MYO5A: variants seen among roughly 807,000 people sequenced by gnomAD.
MYO5A encodes myosin VA, also known as unconventional myosin-Va.
A neutral mutation model predicts 249.7 loss-of-function variants in MYO5A; 98 were observed. The ratio of observed to expected loss-of-function variants is 0.39; its 90% CI spans 0.33 to 0.46. MYO5A has a LOEUF of 0.46. Ranked by LOEUF, MYO5A falls within the 20% of genes least tolerant of loss-of-function variation. The pLI, the probability that MYO5A is intolerant of heterozygous loss-of-function variation, is 0.98. For synonymous variants in MYO5A, 778 were observed against 810.6 expected (o/e 0.96, Z 0.68); for missense variants, 1,696 against 2,308.8 (o/e 0.73, Z 5.44).
intron 1 of MYO5A, among the ~76,000 whole-genome samples, chr15:52,490,913 G>T (rs530688215): frequency 1.3e-5 from 2 of 152,044 alleles, no homozygotes; most frequent in South Asian, 4.2e-4. Context: ...TATAGACGGG[G>T]TCTCACTATG....
chr15:52,424,503 A>C lies in MYO5A; in HGVS notation c.455+1327T>G, dbSNP rs1042331620. On this transcript the variant is annotated intron_variant, in intron 4 of 41. Transcript: ENST00000399233. ...AATTAAATAATGCCCTTCACAGAGCACATAATGTTAGCTGCTATTAGAAGT... is the reference window on the plus strand; with the variant it reads ...AATTAAATAATGCCCTTCACAGAGCCCATAATGTTAGCTGCTATTAGAAGT... Among the ~76,000 whole-genome samples, 4 of 152,322 alleles carry C rather than the reference A, an allele frequency of 2.6e-5. No homozygotes were observed. The South Asian group carries it at 8.3e-4, about 32-fold the overall frequency.
At chr15:52,385,092 T>G (rs1012271141) in intron 14 of MYO5A, among the ~76,000 whole-genome samples, 4 of 152,144 alleles carry the variant, frequency 2.6e-5, no homozygotes, top group African/African-American at 9.7e-5. Flanking sequence ...TATTAGTCAA[T>G]ATGGTTGGGA....
At chr15:52,440,329 A>G (rs2075760815) in intron 1 of MYO5A, among the ~76,000 whole-genome samples, 1 of 150,998 alleles carries the variant, frequency 6.6e-6, no homozygotes, top group African/African-American at 2.4e-5. Flanking sequence ...GTGCAGTGGC[A>G]CAATCTCTGC....
intron 4 of MYO5A, among the ~76,000 whole-genome samples, chr15:52,421,546 G>A (rs886257357): frequency 5.3e-5 from 8 of 152,152 alleles, no homozygotes; most frequent in Non-Finnish European, 8.8e-5. Context: ...ACACCAAGAG[G>A]TTAAAAGGCT....
intron 1 of MYO5A, among the ~76,000 whole-genome samples, chr15:52,459,345 G>A (rs549942084): frequency 6.6e-6 from 1 of 151,876 alleles, no homozygotes; most frequent in South Asian, 2.1e-4. Flanking sequence ...TCCCTGGGTA[G>A]TTGAGATTAG....
chr15:52,341,194 T>C (rs1468855187), intron 31 of MYO5A, among the ~76,000 whole-genome samples: 1 of 152,152 alleles, frequency 6.6e-6, no homozygotes, highest in East Asian at 1.9e-4. Flanking sequence ...TATATTCTAC[T>C]CCTATTCTGA....
chr15:52,365,990 C>T (rs1200413186), intron 23 of MYO5A, among the ~76,000 whole-genome samples: 1 of 152,066 alleles, frequency 6.6e-6, no homozygotes, highest in Non-Finnish European at 1.5e-5. Flanking sequence ...TTTTCTTTAC[C>T]TCATCCCTTA....
At chr15:52,522,185 A>G (rs1368258518) in intron 1 of MYO5A, among the ~76,000 whole-genome samples, 2 of 152,180 alleles carry the variant, frequency 1.3e-5, no homozygotes, top group African/African-American at 4.8e-5. Context: ...AAACTCCCTG[A>G]AGATGTTGGG....
At chr15:52,329,654 G>C (rs946117309) in intron 35 of MYO5A, among the ~76,000 whole-genome samples, 32 of 152,224 alleles carry the variant, frequency 2.1e-4, no homozygotes, top group African/African-American at 7.7e-4. Flanking sequence ...CCTTTCTAGG[G>C]GAGTAAGGAA....
intron 1 of MYO5A, among the ~76,000 whole-genome samples, chr15:52,464,779 T>C (rs1246397782): frequency 1.3e-5 from 2 of 152,248 alleles, no homozygotes; most frequent in Admixed American, 6.5e-5. Context: ...GAGTAATGAA[T>C]GACCAGATGT....
chr15:52,444,749 T>C (rs2075853600), intron 1 of MYO5A, among the ~76,000 whole-genome samples: 1 of 152,198 alleles, frequency 6.6e-6, no homozygotes, highest in African/African-American at 2.4e-5. Flanking sequence ...ATTAAATATG[T>C]ACAGGCCTCT....
At chr15:52,365,663 A>T (rs1567055900) in intron 23 of MYO5A, among the ~76,000 whole-genome samples, 1 of 152,224 alleles carries the variant, frequency 6.6e-6, no homozygotes, top group South Asian at 2.1e-4. Flanking sequence ...CCTGGTGCCC[A>T]CCACAGTGCT....
At chr15:52,385,418 A>G (rs1027038137) in intron 14 of MYO5A, among the ~76,000 whole-genome samples, 1 of 152,192 alleles carries the variant, frequency 6.6e-6, no homozygotes, top group Non-Finnish European at 1.5e-5. Flanking sequence ...ACTCATTTTA[A>G]TGGTATTTGG....
intron 25 of MYO5A, among the ~76,000 whole-genome samples, chr15:52,359,185 GGAAA>G (rs2040398519): frequency 6.6e-6 from 1 of 152,206 alleles, no homozygotes; most frequent in African/African-American, 2.4e-5. Flanking sequence ...AGACAAGAAA[GGAAA>G]GAATCACTCA....
Position 52,383,152 on chromosome 15 carries a change from T to C in MYO5A, c.1951A>G (p.Asn651Asp). 1 of 1,614,088 alleles carries C rather than the reference T, an allele frequency of 6.2e-7. No homozygotes were observed. Among genetic ancestry groups the C allele is most frequent in the Non-Finnish European group, 8.5e-7 (1 of 1,179,954 alleles). ...NSLHLLMETL[N>D]ATTPHYVRCI... Reference sequence around the variant, plus strand: ...CGCACATAGTGAGGGGTAGTGGCATTGAGTGTCTCCATAAGCAGGTGCAGG... The same window carrying C: ...CGCACATAGTGAGGGGTAGTGGCATCGAGTGTCTCCATAAGCAGGTGCAGG... The change falls in exon 16 of 42, where the codon AAT (asparagine) becomes GAT (aspartate). Residue 651 changes from asparagine to aspartate, a missense_variant. By Grantham distance (23) the Asn-to-Asp change is conservative (BLOSUM62 1). This residue lies in a region of MYO5A where 277 missense variants were observed against 422.4 expected (regional missense o/e 0.66). Transcript: ENST00000399233.
rs759184343 is a variant in MYO5A at position 52,319,359 on chromosome 15, A to C, written c.4952-17T>G. The C allele has an allele frequency of 6.2e-7, 1 of 1,612,954 alleles. No homozygotes were observed. The highest frequency in any genetic ancestry group is 1.7e-4 in the Middle Eastern group (1 of 5,850). On this transcript the variant is annotated splice_polypyrimidine_tract_variant and intron_variant, in intron 38 of 41. Coordinates refer to ENST00000399233, the MANE Select transcript of MYO5A (RefSeq NM_001382347.1). ...TGCCTGAGACTGCAGGAGTATTTCA[A>C]TTGTTAGAGGAGATGATGTGGAAGG...
At chr15:52,359,605 T>C (rs1013528933) in intron 25 of MYO5A, among the ~76,000 whole-genome samples, 2 of 152,128 alleles carry the variant, frequency 1.3e-5, no homozygotes, top group African/African-American at 4.8e-5. Context: ...GGTCCACAGA[T>C]ATAAAGTAAA....
intron 29 of MYO5A, among the ~76,000 whole-genome samples, chr15:52,346,949 A>C (rs2141007520): frequency 6.6e-6 from 1 of 152,038 alleles, no homozygotes; most frequent in South Asian, 2.1e-4. Context: ...TTTTTCATTA[A>C]AAACTCAGAA....
intron 1 of MYO5A, among the ~76,000 whole-genome samples, chr15:52,483,575 T>C (rs2076758979): frequency 6.6e-6 from 1 of 152,032 alleles, no homozygotes; most frequent in South Asian, 2.1e-4. Context: ...CGCCTAGAAA[T>C]TTCTAAAAAA....
Sources: allele counts gnomAD v4.1 joint callset (sites outside exome capture counted in the v4.1 genomes callset), GRCh38; gene constraint gnomAD v4.1.1; regional missense constraint gnomAD v4.1.1; transcripts MANE v1.5; gene names NCBI Gene and HGNC (gene_info 2026-07-23, HGNC 2026-07-21).